Variants in FAF1 observed in about 807,000 individuals in gnomAD.
FAF1 encodes Fas associated factor 1.
A neutral mutation model predicts 92.5 loss-of-function variants in FAF1; 25 were observed. The observed-to-expected ratio is 0.27, with a 90% CI of 0.20 to 0.38. The LOEUF (loss-of-function observed/expected upper bound fraction) is 0.38. Among genes scored for constraint, FAF1 ranks in the 10% least tolerant of loss-of-function variants. FAF1 has a pLI of 1.00. For synonymous variants in FAF1, 234 were observed against 273.2 expected, an observed-to-expected ratio of 0.86 and a Z score of 1.42; for missense variants, 636 against 793.3, an observed-to-expected ratio of 0.80 and a Z score of 2.38.
chr1:50,522,518 T>C (rs1345382130), intron 15 of FAF1, among the ~76,000 whole-genome samples: 1 of 152,218 alleles, frequency 6.6e-6, no homozygotes, highest in Non-Finnish European at 1.5e-5. Flanking sequence ...ATACTTCACC[T>C]GACTCCTTAC....
chr1:50,819,638 TCACA>T lies in FAF1; in HGVS notation c.115-17965_115-17962del, dbSNP rs375892280. Among the ~76,000 whole-genome samples the T allele has an allele frequency of 1.7e-3, 169 of 97,816 alleles. 1 individual carries two copies. Among genetic ancestry groups the T allele is most frequent in the Middle Eastern group, 0.016 (3 of 186 alleles). The allele number at this position is 97,816 out of a possible 152,430, so 64.2% of individuals were successfully genotyped here. ...AAGACTGACCGACTGACTGACTCAC[TCACA>T]CACACACACACACACACACACACAC... On this transcript the variant is annotated intron_variant, in intron 2 of 18. Coordinates refer to ENST00000396153, the MANE Select transcript of FAF1 (RefSeq NM_007051.3).
intron 1 of FAF1, among the ~76,000 whole-genome samples, chr1:50,929,598 T>C (rs1165168929): frequency 6.6e-6 from 1 of 152,198 alleles, no homozygotes; most frequent in African/African-American, 2.4e-5. Context: ...ATTTAACACA[T>C]CTTGGGAATT....
chr1:50,543,651 G>A (rs1648862464), intron 13 of FAF1, among the ~76,000 whole-genome samples: 1 of 151,814 alleles, frequency 6.6e-6, no homozygotes, highest in Admixed American at 6.6e-5. Flanking sequence ...ATTTCTTTTA[G>A]GATTAAAAAT....
At chr1:50,835,089 T>C (rs971868119) in intron 2 of FAF1, among the ~76,000 whole-genome samples, 6 of 152,054 alleles carry the variant, frequency 3.9e-5, no homozygotes, top group African/African-American at 1.4e-4. Flanking sequence ...AGCACAGATG[T>C]GAGGAAGTAT....
chr1:50,475,811 A>G (rs1646633443), intron 17 of FAF1, 132 bp from the exon 18 acceptor site: 5 of 562,572 alleles, frequency 8.9e-6, no homozygotes, highest in Non-Finnish European at 1.6e-5. Context: ...TTTATTAGCC[A>G]AGCCAAATGC....
At chr1:50,442,874 C>T (rs567664870) in intron 18 of FAF1, among the ~76,000 whole-genome samples, 8 of 152,250 alleles carry the variant, frequency 5.3e-5, no homozygotes, top group Admixed American at 2.0e-4. Context: ...GAATCCTCTC[C>T]GCTTATAAGG....
intron 1 of FAF1, among the ~76,000 whole-genome samples, chr1:50,952,320 G>T (rs1645221980): frequency 6.6e-6 from 1 of 152,226 alleles, no homozygotes; most frequent in Non-Finnish European, 1.5e-5. Flanking sequence ...GTGTTGGCCG[G>T]GCTGGTTTCC....
chr1:50,743,847 T>C (rs6659162), intron 5 of FAF1, among the ~76,000 whole-genome samples: 151,905 of 151,930 alleles, frequency 1, 75,940 homozygotes, highest in Non-Finnish European at 1. Context: ...CCGAGGCAGG[T>C]GGATCACAAG....
chr1:50,708,207 T>G (rs537794556), intron 6 of FAF1, among the ~76,000 whole-genome samples: 5 of 152,132 alleles, frequency 3.3e-5, no homozygotes, highest in Non-Finnish European at 2.9e-5. Flanking sequence ...GAGCAAAGAC[T>G]GGGGGTAGGG....
At chr1:50,461,031 C>T (rs1441237643) in intron 18 of FAF1, among the ~76,000 whole-genome samples, 2 of 152,086 alleles carry the variant, frequency 1.3e-5, no homozygotes, top group African/African-American at 2.4e-5. Flanking sequence ...GAAAATGTGA[C>T]GAGAGGCTCA....
chr1:50,663,195 T>C (rs953744748), intron 7 of FAF1, among the ~76,000 whole-genome samples: 1 of 151,236 alleles, frequency 6.6e-6, no homozygotes, highest in Non-Finnish European at 1.5e-5. Context: ...AAAAAAAAGG[T>C]TAATTATTTT....
intron 2 of FAF1, chr1:50,846,563 G>C: frequency 1.9e-6 from 1 of 521,748 alleles, no homozygotes; most frequent in South Asian, 1.5e-5. Flanking sequence ...GATGGAAAAA[G>C]GAGCAATAGT....
At chr1:50,756,710 C>CT (rs1660089748) in intron 4 of FAF1, among the ~76,000 whole-genome samples, 1 of 152,168 alleles carries the variant, frequency 6.6e-6, no homozygotes, top group Non-Finnish European at 1.5e-5. Context: ...TTGGGGAGGC[C>CT]TCACAATCAT....
chr1:50,863,679 C>G (rs1340756163), intron 1 of FAF1, among the ~76,000 whole-genome samples: 1 of 151,938 alleles, frequency 6.6e-6, no homozygotes, highest in Non-Finnish European at 1.5e-5. Context: ...TTGGTTGTGT[C>G]TCTGCCCGGC....
At chr1:50,619,966 T>G (rs1392847998) in intron 8 of FAF1, among the ~76,000 whole-genome samples, 1 of 150,284 alleles carries the variant, frequency 6.7e-6, no homozygotes. Context: ...TGGAGTGCAA[T>G]GGCACAATCT....
chr1:50,827,475 A>T (rs1644111769), intron 2 of FAF1, among the ~76,000 whole-genome samples: 1 of 152,194 alleles, frequency 6.6e-6, no homozygotes, highest in South Asian at 2.1e-4. Context: ...TCAAGTACCC[A>T]GGGTCACAAA....
chr1:50,903,643 T>G (rs1465570971), intron 1 of FAF1, among the ~76,000 whole-genome samples: 1 of 152,112 alleles, frequency 6.6e-6, no homozygotes, highest in Admixed American at 6.6e-5. Context: ...AAAGGGAATT[T>G]TAAGGAAGAA....
At chr1:50,833,632 A>C (rs1309634497) in intron 2 of FAF1, among the ~76,000 whole-genome samples, 1 of 152,032 alleles carries the variant, frequency 6.6e-6, no homozygotes, top group Non-Finnish European at 1.5e-5. Flanking sequence ...TGAAAGTTCC[A>C]AGCTTCTAAT....
At position 50,801,682 on chromosome 1, in the gene FAF1, A is replaced by G. The variant is rs748123497; in HGVS notation, c.115-5T>C. On this transcript the variant is annotated splice_polypyrimidine_tract_variant and splice_region_variant and intron_variant, in intron 2 of 18. Coordinates refer to ENST00000396153, the MANE Select transcript of FAF1 (RefSeq NM_007051.3). The stretch of plus-strand genomic sequence containing the variant: ...TATTACACCATTGATAGCTGCCTGC[A>G]AACAAGAAACAGAGAAGGCCATTTA... 5.7e-6 allele frequency: 9 copies of G among 1,576,350 alleles called. No homozygotes were observed. Among genetic ancestry groups the G allele is most frequent in the Non-Finnish European group, 2.6e-6 (3 of 1,146,296 alleles).
Sources: gnomAD v4.1 joint callset for allele counts (sites outside exome capture counted in the v4.1 genomes callset) on GRCh38, gnomAD v4.1.1 for gene constraint, MANE v1.5 for transcripts, NCBI Gene and HGNC (gene_info 2026-07-23, HGNC 2026-07-21) for gene names.